TEX26: variants seen among roughly 807,000 people sequenced by gnomAD.
TEX26 encodes the protein testis expressed 26, also known as testis-expressed protein 26.
A neutral mutation model predicts 35.3 loss-of-function variants in TEX26; 34 were observed. That is an observed-to-expected ratio of 0.96 (90% confidence interval 0.73 to 1.28). The LOEUF (loss-of-function observed/expected upper bound fraction) is 1.28, where lower values mean the gene tolerates loss of function less well. TEX26 is among the 50% of genes most tolerant of loss of function. The pLI is 0.00. For synonymous variants in TEX26, 136 were observed against 111.8 expected (o/e 1.22, Z -1.36); for missense variants, 371 against 330.1 (o/e 1.12, Z -0.96).
chr13:30,961,572 A>G (rs986767512), intron 4 of TEX26, among the ~76,000 whole-genome samples: 2 of 152,110 alleles, frequency 1.3e-5, no homozygotes, highest in South Asian at 4.1e-4. Context: ...CTAATCTACG[A>G]TCATTTTGCT....
chr13:30,954,884 TA>T, intron 3 of TEX26, among the ~76,000 whole-genome samples: 1 of 152,250 alleles, frequency 6.6e-6, no homozygotes, highest in Non-Finnish European at 1.5e-5. Flanking sequence ...CTCTAAGTAC[TA>T]TTGAAGGCTC....
intron 4 of TEX26, among the ~76,000 whole-genome samples, chr13:30,957,678 C>T (rs567720706): frequency 1.3e-5 from 2 of 152,106 alleles, no homozygotes; most frequent in Admixed American, 6.5e-5. Context: ...TGTGGCAGTG[C>T]GGATGGAGGC....
intron 2 of TEX26, among the ~76,000 whole-genome samples, chr13:30,945,412 C>T (rs547501698): frequency 6.6e-6 from 1 of 151,572 alleles, no homozygotes; most frequent in East Asian, 1.9e-4. Flanking sequence ...TCCATTCTGC[C>T]AATCTATTAA....
At chr13:30,934,566 C>G (rs987744775) in intron 1 of TEX26, among the ~76,000 whole-genome samples, 2 of 152,154 alleles carry the variant, frequency 1.3e-5, no homozygotes, top group African/African-American at 4.8e-5. Flanking sequence ...CTCTACAGGC[C>G]CTAGGGGAGA....
chr13:30,942,836 G>A (rs1953563460), intron 2 of TEX26, among the ~76,000 whole-genome samples: 1 of 151,786 alleles, frequency 6.6e-6, no homozygotes, highest in Non-Finnish European at 1.5e-5. Flanking sequence ...TGTTCCATTG[G>A]TCAATGTGCC....
chr13:30,939,743 C>T lies in TEX26; in HGVS notation c.111C>T (p.Phe37=), dbSNP rs1953407092. ...DSYATTMRTA[F]TPKTGAVPAL... is the part of the protein sequence containing the mutation. ...ATGCTACCACTATGAGGACTGCATT[C>T]ACGCCTAAAACAGGAGCAGTGCCTG... Residue 37 remains phenylalanine (F), a synonymous_variant, in exon 2 of 7, where the codon TTC becomes TTT. Transcript: ENST00000380473. 6.2e-7 allele frequency: 1 copy of T among 1,614,110 alleles called. No individual in the cohort carries two copies. Among genetic ancestry groups the T allele is most frequent in the Non-Finnish European group, 8.5e-7 (1 of 1,179,954 alleles).
intron 1 of TEX26, among the ~76,000 whole-genome samples, chr13:30,938,165 C>G (rs894440115): frequency 2.0e-5 from 3 of 152,016 alleles, no homozygotes; most frequent in Non-Finnish European, 4.4e-5. Flanking sequence ...ATATATAAAG[C>G]AGCAGGTAAC....
At chr13:30,934,049 G>T (rs1234254895) in intron 1 of TEX26, among the ~76,000 whole-genome samples, 1 of 152,192 alleles carries the variant, frequency 6.6e-6, no homozygotes, top group Non-Finnish European at 1.5e-5. Flanking sequence ...TCACAGCAGG[G>T]CCTCCAACTT....
At chr13:30,968,490 C>T (rs1010004789) in intron 5 of TEX26, among the ~76,000 whole-genome samples, 1 of 152,174 alleles carries the variant, frequency 6.6e-6, no homozygotes, top group Non-Finnish European at 1.5e-5. Flanking sequence ...TGTCTGCAGG[C>T]CTTCTCAACA....
intron 2 of TEX26, among the ~76,000 whole-genome samples, chr13:30,944,137 G>A (rs751849115): frequency 1.1e-4 from 17 of 151,618 alleles, no homozygotes; most frequent in Non-Finnish European, 1.8e-4. Flanking sequence ...ATCTTACTGC[G>A]TGTTATTGGT....
At chr13:30,943,850 T>C (rs925987605) in intron 2 of TEX26, among the ~76,000 whole-genome samples, 1 of 151,992 alleles carries the variant, frequency 6.6e-6, no homozygotes, top group South Asian at 2.1e-4. Context: ...CGATGTGCTA[T>C]TGAATTCAGT....
At chr13:30,937,308 T>G (rs1205527524) in intron 1 of TEX26, among the ~76,000 whole-genome samples, 2 of 152,128 alleles carry the variant, frequency 1.3e-5, no homozygotes, top group Non-Finnish European at 2.9e-5. Context: ...CTTGCCCACA[T>G]GATTGATTGG....
chr13:30,959,116 T>G (rs1301818974), intron 4 of TEX26, among the ~76,000 whole-genome samples: 3 of 152,104 alleles, frequency 2.0e-5, no homozygotes, highest in East Asian at 1.9e-4. Context: ...CCTTCAAGAG[T>G]CAGTTTATAC....
At chr13:30,950,830 T>TG (rs1185281283) in intron 2 of TEX26, among the ~76,000 whole-genome samples, 1 of 152,196 alleles carries the variant, frequency 6.6e-6, no homozygotes, top group African/African-American at 2.4e-5. Flanking sequence ...TTCCCTTCAC[T>TG]GGGGGACCCC....
chr13:30,974,131 A>AAAAAAAAATAT, intron 6 of TEX26, among the ~76,000 whole-genome samples: 77 of 84,406 alleles, frequency 9.1e-4, no homozygotes, highest in African/African-American at 3.5e-3. Context: ...AAAAAAAAAA[A>AAAAAAAAATAT]ATATATATAT....
At chr13:30,964,079 T>C (rs1954443330) in intron 4 of TEX26, among the ~76,000 whole-genome samples, 1 of 152,212 alleles carries the variant, frequency 6.6e-6, no homozygotes, top group Non-Finnish European at 1.5e-5. Flanking sequence ...TGACCCGTTG[T>C]CAAAGCTCCT....
chr13:30,955,066 C>T (rs1954076397), intron 3 of TEX26, among the ~76,000 whole-genome samples: 1 of 152,124 alleles, frequency 6.6e-6, no homozygotes, highest in South Asian at 2.1e-4. Context: ...TGTGAAACAC[C>T]ATTTATTCAG....
intron 2 of TEX26, among the ~76,000 whole-genome samples, chr13:30,947,512 G>A (rs35219121): frequency 0.17 from 25,787 of 151,948 alleles, 2,347 homozygotes; most frequent in East Asian, 0.4. Flanking sequence ...ACTTGGTTCG[G>A]TACTCCTTAA....
At chr13:30,936,656 G>A (rs1184845902) in intron 1 of TEX26, 2 of 984,918 alleles carry the variant, frequency 2.0e-6, no homozygotes, top group African/African-American at 1.7e-5. Flanking sequence ...TGGCCTGTGA[G>A]TTCTCCAAGG....
Sources: gnomAD v4.1 joint callset for allele counts (sites outside exome capture counted in the v4.1 genomes callset) on GRCh38, gnomAD v4.1.1 for gene constraint, MANE v1.5 for transcripts, NCBI Gene and HGNC (gene_info 2026-07-23, HGNC 2026-07-21) for gene names.